Variants in WDR44 observed in about 807,000 individuals in gnomAD.
WDR44 encodes WD repeat-containing protein 44.
A neutral mutation model predicts 65.7 loss-of-function variants in WDR44; 9 were observed. The observed-to-expected ratio is 0.14, with a 90% CI of 0.08 to 0.24. The LOEUF is 0.24. Among genes scored for constraint, WDR44 ranks in the 10% least tolerant of loss-of-function variants. WDR44 has a pLI of 1.00. For synonymous variants in WDR44, 220 were observed against 235.2 expected, an observed-to-expected ratio of 0.94 and a Z score of 0.59; for missense variants, 425 against 670.9, an observed-to-expected ratio of 0.63 and a Z score of 4.05.
rs144139628 is a variant in WDR44, at chrX:118,362,097, T to C, written c.77+15517T>C. ...TTGATTGCCATTCAAATCTAGGAGC[T>C]ATTAGTGCTTCAGCTGTGGGAAAAT... is the stretch of plus-strand genomic sequence containing the variant. On this transcript the variant is annotated intron_variant, in intron 1 of 19. Coordinates refer to ENST00000254029, the MANE Select transcript of WDR44 (RefSeq NM_019045.5). Among the ~76,000 whole-genome samples the C allele has an allele frequency of 7.4e-3, 834 of 112,213 alleles. 10 individuals carry two copies. The highest frequency in any genetic ancestry group is 0.026 in the African/African-American group (795 of 30,878).
intron 1 of WDR44, among the ~76,000 whole-genome samples, chrX:118,367,651 A>G (rs2056565756): frequency 9.0e-6 from 1 of 111,661 alleles, no homozygotes; most frequent in South Asian, 3.8e-4. Flanking sequence ...GGCAGGGACC[A>G]TGTCTGTTTT....
chrX:118,366,088 C>G (rs1026581611), intron 1 of WDR44, among the ~76,000 whole-genome samples: 3 of 111,851 alleles, frequency 2.7e-5, no homozygotes, highest in African/African-American at 9.7e-5. Context: ...ACTTTTATCT[C>G]CTTGAATGCT....
At chrX:118,381,591 T>C (rs1456754272) in intron 2 of WDR44, among the ~76,000 whole-genome samples, 1 of 105,498 alleles carries the variant, frequency 9.5e-6, no homozygotes, top group Non-Finnish European at 1.9e-5. Flanking sequence ...TTTTTTTTTT[T>C]TGATGGAGTC....
chrX:118,447,067 TTCTCGTTATGTTG>T (rs1483026748), intron 19 of WDR44: 1 of 316,731 alleles, frequency 3.2e-6, no homozygotes, highest in African/African-American at 2.8e-5. Flanking sequence ...TAGCAATGAG[TTCTCGTTATGTTG>T]CCCAGGCTGG....
At chrX:118,352,318 TTATATATATATATATA>T (rs1234642278) in intron 1 of WDR44, among the ~76,000 whole-genome samples, 26 of 16,864 alleles carry the variant, frequency 1.5e-3, no homozygotes, top group African/African-American at 5.1e-3. Context: ...CCCAGCTAAT[TTATATATATATATATA>T]TATATATATA....
chrX:118,421,455 T>C (rs764021470), intron 12 of WDR44, among the ~76,000 whole-genome samples: 186 of 112,187 alleles, frequency 1.7e-3, no homozygotes, highest in African/African-American at 5.2e-3. Flanking sequence ...TAAAAGAGGC[T>C]TCTATTTCAC....
intron 2 of WDR44, among the ~76,000 whole-genome samples, chrX:118,380,836 A>G (rs887816228): frequency 1.2e-4 from 13 of 112,355 alleles, no homozygotes; most frequent in Middle Eastern, 4.6e-3. Context: ...TAGCAGAGAA[A>G]AGTTTCAGGG....
At chrX:118,394,003 A>T in intron 4 of WDR44, 52 bp from the exon 5 acceptor site, 1 of 1,106,765 alleles carries the variant, frequency 9.0e-7, no homozygotes, top group Non-Finnish European at 1.2e-6. Flanking sequence ...GGGTTGTTAC[A>T]AGAATCAAAC....
intron 12 of WDR44, among the ~76,000 whole-genome samples, chrX:118,420,253 T>C (rs1465330123): frequency 9.0e-6 from 1 of 110,781 alleles, no homozygotes; most frequent in Non-Finnish European, 1.9e-5. Flanking sequence ...GGTTTAAAAT[T>C]TTTTTTTCTT....
At chrX:118,347,445 TCTC>T in intron 1 of WDR44, among the ~76,000 whole-genome samples, 1 of 112,210 alleles carries the variant, frequency 8.9e-6, no homozygotes, top group Non-Finnish European at 1.9e-5. Flanking sequence ...CTTACCCACT[TCTC>T]CACTTTTCAA....
Position 118,442,366 on chromosome X carries a change from A to G in WDR44, c.2268+21A>G, listed in dbSNP as rs370042435. 7 of 1,108,106 alleles carry G rather than the reference A, an allele frequency of 6.3e-6. No individual in the cohort carries two copies. In the African/African-American group the frequency reaches 1.3e-4, roughly 20 times the overall value. 91.3% of individuals were successfully genotyped at this position (1,108,106 alleles called of 1,213,427 possible). On this transcript the variant is annotated intron_variant, in intron 16 of 19. Transcript: ENST00000254029. Reference sequence around the variant, plus strand: ...ATAAGGTACTACAGTATTCAAAACCATCTCTCTCCATACTATATGTAGATT... The same window carrying G: ...ATAAGGTACTACAGTATTCAAAACCGTCTCTCTCCATACTATATGTAGATT...
chrX:118,413,624 C>G (rs1017195698), intron 12 of WDR44, among the ~76,000 whole-genome samples: 1 of 111,753 alleles, frequency 8.9e-6, no homozygotes, highest in Non-Finnish European at 1.9e-5. Context: ...GATTTTCTCC[C>G]ACTCTGTGGG....
At chrX:118,372,733 C>CAAAGCAGATTAG (rs2056624398) in intron 1 of WDR44, among the ~76,000 whole-genome samples, 1 of 112,000 alleles carries the variant, frequency 8.9e-6, no homozygotes, top group Non-Finnish European at 1.9e-5. Context: ...ATTAGAAGCA[C>CAAAGCAGATTAG]AAGTGAGAAG....
At chrX:118,370,985 C>A (rs2147678128) in intron 1 of WDR44, among the ~76,000 whole-genome samples, 1 of 110,489 alleles carries the variant, frequency 9.1e-6, no homozygotes, top group Admixed American at 9.7e-5. Context: ...GATTAATACC[C>A]ACAGTATGTA....
intron 1 of WDR44, among the ~76,000 whole-genome samples, chrX:118,362,329 T>C (rs1339511891): frequency 4.5e-5 from 5 of 112,193 alleles, no homozygotes; most frequent in African/African-American, 1.6e-4. Context: ...GATATTTATC[T>C]AGAAAGTTGG....
intron 12 of WDR44, among the ~76,000 whole-genome samples, chrX:118,421,283 A>C (rs920588505): frequency 8.9e-6 from 1 of 112,317 alleles, no homozygotes; most frequent in African/African-American, 3.2e-5. Flanking sequence ...TCCTACTTAT[A>C]GATCCTCAGC....
chrX:118,379,973 G>C (rs1293518308), intron 2 of WDR44, among the ~76,000 whole-genome samples: 1 of 111,053 alleles, frequency 9.0e-6, no homozygotes, highest in Non-Finnish European at 1.9e-5. Context: ...AAGCCATTTA[G>C]CGCTAAGATA....
chrX:118,414,041 T>C (rs2057033649), intron 12 of WDR44, among the ~76,000 whole-genome samples: 1 of 111,345 alleles, frequency 9.0e-6, no homozygotes, highest in Admixed American at 9.6e-5. Flanking sequence ...CATTGGTCTG[T>C]GTGCCTATGT....
chrX:118,377,566 G>T (rs963140299), intron 1 of WDR44, among the ~76,000 whole-genome samples: 1 of 110,542 alleles, frequency 9.0e-6, no homozygotes, highest in Non-Finnish European at 1.9e-5. Context: ...TAAGAAACAG[G>T]CATTCACAGA....
Sources: allele counts gnomAD v4.1 joint callset (sites outside exome capture counted in the v4.1 genomes callset), GRCh38; gene constraint gnomAD v4.1.1; transcripts MANE v1.5; gene names NCBI Gene and HGNC (gene_info 2026-07-23, HGNC 2026-07-21).